The following SMG9 variants were observed in gnomAD, a reference collection of about 807,000 sequenced individuals.
SMG9 encodes SMG9 nonsense mediated mRNA decay factor, also known as nonsense-mediated mRNA decay factor SMG9.
Under a neutral mutation model 64.0 loss-of-function variants are expected in SMG9, and 55 were observed. The observed-to-expected ratio is 0.86, with a 90% confidence interval of 0.69 to 1.08. SMG9 has a LOEUF of 1.08. Ranked by LOEUF, SMG9 falls within the 50% of genes least tolerant of loss-of-function variation. The probability of loss-of-function intolerance (pLI) is 0.00; values close to 1 mark genes in which losing one functional copy is unlikely to be tolerated. For missense variants in SMG9, 554 were observed against 681.3 expected, an observed-to-expected ratio of 0.81 and a Z score of 2.08; for synonymous variants, 244 against 254.8, an observed-to-expected ratio of 0.96 and a Z score of 0.41.
At chr19:43,734,698 A>C (rs533447043) in intron 9 of SMG9, 13 of 449,178 alleles carry the variant, frequency 2.9e-5, no homozygotes, top group Non-Finnish European at 5.1e-5. Context: ...CAACTGTATA[A>C]ATTCTTTGAG....
At position 43,728,870 on chromosome 19, in the gene SMG9, T is replaced by C. The variant is rs527337754; in HGVS notation, c.*2726A>G. 5.1e-4 allele frequency: 234 copies of C among 458,316 alleles called. No homozygotes were observed. Among genetic ancestry groups the C allele is most frequent in the Middle Eastern group, 3.3e-3 (3 of 912 alleles). The allele number at this position is 458,316 out of a possible 1,614,324, so 28.4% of individuals were successfully genotyped here. ...ATACCAATGTATTCCTGTGTCTGAATTGAAAAGCGTGAGTTCCACCTGCTG... is the reference window on the plus strand; with the variant it reads ...ATACCAATGTATTCCTGTGTCTGAACTGAAAAGCGTGAGTTCCACCTGCTG... On this transcript the variant is annotated 3_prime_UTR_variant, in exon 14 of 14. Transcript: ENST00000270066.
chr19:43,733,424 G>A lies in SMG9; in HGVS notation c.1239C>T (p.Val413=). The A allele has an allele frequency of 6.2e-7, 1 of 1,614,096 alleles. No individual in the cohort carries two copies. The highest frequency in any genetic ancestry group is 8.5e-7 in the Non-Finnish European group (1 of 1,180,030). The change falls in exon 12 of 14, where the codon GTC becomes GTT. Residue 413 remains valine, a synonymous_variant. Transcript: ENST00000270066. The part of the protein sequence containing the change: ...KGTLSMLQCN[V]FPGLPPDFLD... ...GGAAGTCAGGTGGAAGCCCCGGGAA[G>A]ACATTGCATTGTAACATGGACAGAG... is the stretch of plus-strand genomic sequence containing the variant.
In SMG9 at chr19:43,750,723, T is replaced by C. The variant is rs1238922316; in HGVS notation, c.19A>G (p.Ser7Gly). 1 of 1,613,086 alleles carries C rather than the reference T, an allele frequency of 6.2e-7. No homozygotes were observed. The highest frequency in any genetic ancestry group is 1.7e-5 in the Admixed American group (1 of 59,830). The change falls in exon 2 of 14, where the codon AGT becomes GGT. Residue 7 changes from serine to glycine, a missense_variant. Ser to Gly is a moderately conservative substitution (Grantham distance 56). Transcript: ENST00000270066. MSESGHSQPGLYGIERR... is the reference protein window; with the variant it reads MSESGHGQPGLYGIERR... The stretch of plus-strand genomic sequence containing the variant: ...TCTATCCCATAGAGTCCAGGCTGAC[T>C]GTGTCCAGACTCAGACATGGTTACC...
intron 5 of SMG9, among the ~76,000 whole-genome samples, chr19:43,745,994 T>G (rs1334819669): frequency 2.1e-5 from 3 of 139,942 alleles, no homozygotes; most frequent in South Asian, 2.3e-4. Context: ...GGAGCGAAAT[T>G]CCATCACAAA....
At chr19:43,735,640 T>G (rs7249806) in intron 9 of SMG9, among the ~76,000 whole-genome samples, 4 of 133,290 alleles carry the variant, frequency 3.0e-5, no homozygotes, top group Non-Finnish European at 6.2e-5. Flanking sequence ...AAAAAAAAAA[T>G]CTGTGTGGTT....
Position 43,731,094 on chromosome 19 carries a change from T to A in SMG9, c.*502A>T, listed in dbSNP as rs1352073513. 4.1e-6 allele frequency: 4 copies of A among 985,560 alleles called. No individual in the cohort carries two copies. The highest frequency in any genetic ancestry group is 1.7e-5 in the African/African-American group (1 of 57,252). 61.1% of individuals were successfully genotyped at this position (985,560 alleles called of 1,614,324 possible). On this transcript the variant is annotated 3_prime_UTR_variant, in exon 14 of 14. Transcript: ENST00000270066. ...TGCCCGCAAGGGCTGGGTGTCCAAT[T>A]TGTCCTGCTTCCCAGAGCTGCATGG...
In SMG9 at chr19:43,745,766, C is replaced by T. The variant is rs547923760; in HGVS notation, c.589-882G>A. Reference sequence around the variant, plus strand: ...CCTTTAATCCCAGCACTTTGGGAGGCCGAGGCAGGCGGATCACCTGAGGTC... The same window carrying T: ...CCTTTAATCCCAGCACTTTGGGAGGTCGAGGCAGGCGGATCACCTGAGGTC... On this transcript the variant is annotated intron_variant, in intron 5 of 13. Coordinates refer to ENST00000270066, the MANE Select transcript of SMG9 (RefSeq NM_019108.4). Among the ~76,000 whole-genome samples the T allele has an allele frequency of 6.3e-4, 96 of 152,226 alleles. No homozygotes were observed. In the South Asian group the frequency reaches 0.01, roughly 16 times the overall value.
At chr19:43,751,142 C>CT (rs1298566615) in intron 1 of SMG9, among the ~76,000 whole-genome samples, 7 of 151,282 alleles carry the variant, frequency 4.6e-5, no homozygotes, top group Admixed American at 6.6e-5. Context: ...TTCCTTTCTT[C>CT]TTTTTTTTGA....
intron 5 of SMG9, among the ~76,000 whole-genome samples, chr19:43,745,989 G>A (rs1270454493): frequency 1.4e-5 from 2 of 147,512 alleles, no homozygotes; most frequent in Non-Finnish European, 3.0e-5. Context: ...CAACAGGAGC[G>A]AAATTCCATC....
intron 10 of SMG9, chr19:43,733,994 T>G (rs907971836): frequency 7.1e-6 from 4 of 561,796 alleles, no homozygotes; most frequent in Non-Finnish European, 1.3e-5. Context: ...TGAAGAAGAG[T>G]AGAGCGGAGA....
Position 43,730,176 on chromosome 19 carries a change from G to C in SMG9, c.*1420C>G, listed in dbSNP as rs557726274. 5 of 152,234 alleles carry C rather than the reference G, an allele frequency of 3.3e-5. No homozygotes were observed. Among genetic ancestry groups the C allele is most frequent in the Non-Finnish European group, 5.9e-5 (4 of 67,926 alleles). The allele number at this position is 152,234 out of a possible 1,614,324, so 9.4% of individuals were successfully genotyped here. On this transcript the variant is annotated 3_prime_UTR_variant, in exon 14 of 14. Coordinates refer to ENST00000270066, the MANE Select transcript of SMG9 (RefSeq NM_019108.4). The stretch of plus-strand genomic sequence containing the variant: ...ATATGTGCCACGGGCGGCAGGGGGT[G>C]GGGGAGGGCAATGGATGAACAGACT...
At chr19:43,734,588 G>A (rs1968598156) in intron 9 of SMG9, 93 bp from the exon 10 acceptor site, 1 of 780,140 alleles carries the variant, frequency 1.3e-6, no homozygotes, top group Non-Finnish European at 2.1e-6. Flanking sequence ...TCTGATGAAA[G>A]CTACAGCCAT....
chr19:43,732,244 T>G, intron 13 of SMG9: 1 of 158,166 alleles, frequency 6.3e-6, no homozygotes, highest in East Asian at 1.9e-4. Flanking sequence ...CCAGTTAAGC[T>G]ATTTATCTTT....
Position 43,729,218 on chromosome 19 carries a change from G to C in SMG9, c.*2378C>G, listed in dbSNP as rs1968394630. The C allele has an allele frequency of 6.0e-6, 1 of 166,750 alleles. No homozygotes were observed. The highest frequency in any genetic ancestry group is 1.2e-5 in the Non-Finnish European group (1 of 81,410). The allele number at this position is 166,750 out of a possible 1,614,324, so 10.3% of individuals were successfully genotyped here. Reference sequence around the variant, plus strand: ...AAGGTCACCAGATCACCACGGTGGTGGTGGTGGAAACGCTAGGCCGGATTT... The same window carrying C: ...AAGGTCACCAGATCACCACGGTGGTCGTGGTGGAAACGCTAGGCCGGATTT... On this transcript the variant is annotated 3_prime_UTR_variant, in exon 14 of 14. Transcript: ENST00000270066.
intron 5 of SMG9, among the ~76,000 whole-genome samples, chr19:43,746,693 T>A (rs1476726657): frequency 2.7e-5 from 4 of 149,436 alleles, no homozygotes; most frequent in African/African-American, 9.9e-5. Context: ...GGGAGACTGG[T>A]GTTATGTATG....
At chr19:43,746,170 C>G (rs761337321) in intron 5 of SMG9, among the ~76,000 whole-genome samples, 4 of 152,150 alleles carry the variant, frequency 2.6e-5, no homozygotes, top group Non-Finnish European at 5.9e-5. Context: ...GAGACCGTCT[C>G]CTAAATAAAT....
Position 43,728,375 on chromosome 19 carries a change from C to G in SMG9, c.*3221G>C, listed in dbSNP as rs766272193. 6.5e-6 allele frequency: 1 copy of G among 154,104 alleles called. No homozygotes were observed. The highest frequency in any genetic ancestry group is 1.9e-4 in the East Asian group (1 of 5,296). 9.5% of individuals were successfully genotyped at this position (154,104 alleles called of 1,614,324 possible). Reference sequence around the variant, plus strand: ...AAGTACCTGCTCCCAGTTCACCTTCCGCCATGATTGTAAGTTTCCTGAGGC... The same window carrying G: ...AAGTACCTGCTCCCAGTTCACCTTCGGCCATGATTGTAAGTTTCCTGAGGC... On this transcript the variant is annotated 3_prime_UTR_variant, in exon 14 of 14. Transcript: ENST00000270066.
Position 43,747,675 on chromosome 19 carries a change from G to C in SMG9, c.448C>G (p.Gln150Glu). The C allele has an allele frequency of 6.2e-7, 1 of 1,612,342 alleles. No homozygotes were observed. The highest frequency in any genetic ancestry group is 8.5e-7 in the Non-Finnish European group (1 of 1,179,190). The change falls in exon 4 of 14, where the codon CAG becomes GAG. Residue 150 changes from glutamine (Q) to glutamate (E), a missense_variant. By Grantham distance (29) the Gln-to-Glu change is conservative. Coordinates refer to ENST00000270066, the MANE Select transcript of SMG9 (RefSeq NM_019108.4). The stretch of plus-strand genomic sequence containing the variant: ...GCGGCAGTGCCCATGCCCCGGTTCT[G>C]GATCTGGTACACAGGCTGTGTGGGT... ...QRPTQPVYQI[Q>E]NRGMGTAAPA...
At chr19:43,734,018 G>A (rs1968571584) in intron 10 of SMG9, 2 of 544,480 alleles carry the variant, frequency 3.7e-6, no homozygotes, top group South Asian at 4.7e-5. Context: ...GATGAAACAG[G>A]CAAAGGAACG....
Sources: allele counts gnomAD v4.1 joint callset (sites outside exome capture counted in the v4.1 genomes callset), GRCh38; gene constraint gnomAD v4.1.1; transcripts MANE v1.5; gene names NCBI Gene and HGNC (gene_info 2026-07-23, HGNC 2026-07-21).